The following VWA3B variants were observed in gnomAD, a reference collection of about 807,000 sequenced individuals.
VWA3B encodes von Willebrand factor A domain-containing protein 3B.
VWA3B carries 138 observed loss-of-function variants against 158.3 expected under a neutral mutation model. The observed-to-expected ratio is 0.87, with a 90% CI of 0.76 to 1.00. VWA3B has a LOEUF of 1.00. Ranked by LOEUF, VWA3B falls within the 50% of genes least tolerant of loss-of-function variation. The probability of loss-of-function intolerance (pLI) is 0.00; values close to 1 mark genes in which losing one functional copy is unlikely to be tolerated. For missense variants in VWA3B, 1,555 were observed against 1,565.1 expected, an observed-to-expected ratio of 0.99 and a Z score of 0.11; for synonymous variants, 596 against 587.3, an observed-to-expected ratio of 1.01 and a Z score of -0.21.
At chr2:98,230,373 C>T (rs1685254600) in intron 16 of VWA3B, among the ~76,000 whole-genome samples, 166 bp downstream of exon 16, 1 of 152,078 alleles carries the variant, frequency 6.6e-6, no homozygotes, top group Non-Finnish European at 1.5e-5. Flanking sequence ...CTTATATATA[C>T]CTACGCTTCA....
At chr2:98,091,315 A>G (rs1367309188) in intron 1 of VWA3B, among the ~76,000 whole-genome samples, 1 of 152,216 alleles carries the variant, frequency 6.6e-6, no homozygotes, top group African/African-American at 2.4e-5. Flanking sequence ...GAAGCTTGCG[A>G]TTCCTCACAT....
At chr2:98,244,660 T>G (rs550138316) in intron 19 of VWA3B, among the ~76,000 whole-genome samples, 14 of 152,318 alleles carry the variant, frequency 9.2e-5, no homozygotes, top group Admixed American at 2.0e-4. Context: ...GGGACATGTT[T>G]TGTTCTAGAA....
In VWA3B at chr2:98,311,866, A is replaced by G; in HGVS notation, c.3569A>G (p.Lys1190Arg). Residue 1190 changes from lysine (K) to arginine (R), a missense_variant, in exon 27 of 28, where the codon AAA becomes AGA. Transcript: ENST00000477737. ...RNSAFLFWPL[K>R]EADTQDSREP... ...TCTGCTTTCCTCTTCTGGCCACTGA[A>G]AGAAGCGGACACGCAGGATTCCAGA... is the stretch of plus-strand genomic sequence containing the variant. 6.2e-7 allele frequency: 1 copy of G among 1,612,502 alleles called. No individual in the cohort carries two copies. Among genetic ancestry groups the G allele is most frequent in the Non-Finnish European group, 8.5e-7 (1 of 1,179,412 alleles).
chr2:98,298,778 CCCGA>C (rs1224461712), intron 24 of VWA3B, among the ~76,000 whole-genome samples: 1 of 152,206 alleles, frequency 6.6e-6, no homozygotes, highest in Non-Finnish European at 1.5e-5. Flanking sequence ...TGGGAATGGG[CCCGA>C]GCAAGAGGCT....
chr2:98,119,640 A>C lies in VWA3B; in HGVS notation c.419A>C (p.Gln140Pro). ...SRQIFGVILE[Q>P]CVTIVLDFGG... ...CAGATTTTTGGTGTCATCTTGGAAC[A>C]GTGCGTCACCATAGTGCTGGATTTT... Residue 140 changes from glutamine to proline, a missense_variant, in exon 4 of 28, where the codon CAG becomes CCG. Physicochemically the swap from Gln to Pro is moderately conservative, Grantham distance 76. Coordinates refer to ENST00000477737, the MANE Select transcript of VWA3B (RefSeq NM_144992.5). The C allele has an allele frequency of 6.2e-7, 1 of 1,614,122 alleles. No individual in the cohort carries two copies. Among genetic ancestry groups the C allele is most frequent in the East Asian group, 2.2e-5 (1 of 44,870 alleles).
chr2:98,238,588 A>T (rs536544277), intron 19 of VWA3B, among the ~76,000 whole-genome samples: 49 of 152,346 alleles, frequency 3.2e-4, no homozygotes, highest in African/African-American at 1.1e-3. Context: ...TGAAAAAAAT[A>T]TGGTAGGATA....
intron 14 of VWA3B, among the ~76,000 whole-genome samples, chr2:98,227,866 A>T (rs1454498336): frequency 6.6e-6 from 1 of 152,232 alleles, no homozygotes; most frequent in Non-Finnish European, 1.5e-5. Flanking sequence ...AACTTTTCAA[A>T]TGGTGCATTT....
In VWA3B at chr2:98,272,239, C is replaced by G. The variant is rs1558749458; in HGVS notation, c.3045+1356C>G. Among the ~76,000 whole-genome samples the G allele has an allele frequency of 2.6e-5, 4 of 152,380 alleles. 1 individual carries two copies. The South Asian group carries it at 6.2e-4, about 24-fold the overall frequency. On this transcript the variant is annotated intron_variant, in intron 22 of 27. Coordinates refer to ENST00000477737, the MANE Select transcript of VWA3B (RefSeq NM_144992.5). ...TTCAAGTTGGGGTTCCCACAACTCC[C>G]TCTTTGAGTTTGATTAATTTGCGTG...
intron 7 of VWA3B, among the ~76,000 whole-genome samples, chr2:98,160,546 C>T (rs1573941650): frequency 6.6e-6 from 1 of 152,148 alleles, no homozygotes; most frequent in South Asian, 2.1e-4. Flanking sequence ...TGGGTTTCCT[C>T]GGAACTTTCT....
At chr2:98,226,277 ATGCTCGACT>A (rs1684908511) in intron 14 of VWA3B, among the ~76,000 whole-genome samples, 1 of 152,208 alleles carries the variant, frequency 6.6e-6, no homozygotes, top group Non-Finnish European at 1.5e-5. Flanking sequence ...CCCACACAAC[ATGCTCGACT>A]GATTTTTGAC....
intron 19 of VWA3B, among the ~76,000 whole-genome samples, chr2:98,239,052 T>C (rs938295880): frequency 1.3e-5 from 2 of 152,180 alleles, no homozygotes; most frequent in Non-Finnish European, 2.9e-5. Flanking sequence ...GTAATGGCAA[T>C]GACAGGGTGG....
chr2:98,114,749 A>G (rs1236607315), intron 2 of VWA3B, among the ~76,000 whole-genome samples: 3 of 152,198 alleles, frequency 2.0e-5, no homozygotes, highest in Non-Finnish European at 4.4e-5. Flanking sequence ...AATCCTCTCC[A>G]TAGGCTTCTG....
chr2:98,208,132 A>G (rs570838578), intron 12 of VWA3B, among the ~76,000 whole-genome samples: 8 of 150,112 alleles, frequency 5.3e-5, no homozygotes, highest in African/African-American at 2.0e-4. Flanking sequence ...TCCTTAGTAA[A>G]TTTTCTTTGT....
At chr2:98,297,884 A>G in intron 23 of VWA3B, 23 bp from the exon 24 acceptor site, 1 of 1,464,544 alleles carries the variant, frequency 6.8e-7, no homozygotes, top group Middle Eastern at 1.9e-4. Context: ...TTTATATTTT[A>G]TGTTTTCTTT....
chr2:98,192,925 A>G lies in VWA3B; in HGVS notation c.1494A>G (p.Gln498=). The change falls in exon 11 of 28, where the codon CAA becomes CAG. Residue 498 remains glutamine, a synonymous_variant. Transcript: ENST00000477737. ...RRIKWLQDGS[Q]SLFGRLHNDC... Reference sequence around the variant, plus strand: ...TTAAATGGCTACAGGATGGGAGTCAAAGCCTCTTTGGAAGATTGCATAATG... The same window carrying G: ...TTAAATGGCTACAGGATGGGAGTCAGAGCCTCTTTGGAAGATTGCATAATG... The G allele has an allele frequency of 6.2e-7, 1 of 1,614,226 alleles. No individual in the cohort carries two copies. Among genetic ancestry groups the G allele is most frequent in the South Asian group, 1.1e-5 (1 of 91,080 alleles).
At chr2:98,303,201 A>G (rs1362818130) in intron 25 of VWA3B, among the ~76,000 whole-genome samples, 1 of 151,568 alleles carries the variant, frequency 6.6e-6, no homozygotes, top group Non-Finnish European at 1.5e-5. Context: ...ACCCCAGAAA[A>G]GGACCTTGAA....
chr2:98,133,563 C>A, intron 6 of VWA3B: 1 of 440,370 alleles, frequency 2.3e-6, no homozygotes, highest in Non-Finnish European at 4.1e-6. Context: ...CAAGAAATAC[C>A]ATTTGGTTGA....
intron 13 of VWA3B, 101 bp downstream of exon 13, chr2:98,212,129 G>A (rs1167882762): frequency 4.2e-6 from 4 of 944,220 alleles, no homozygotes; most frequent in Admixed American, 2.1e-5. Flanking sequence ...CCAAAAATCT[G>A]TGGACATATA....
At chr2:98,296,495 T>G (rs930607812) in intron 23 of VWA3B, among the ~76,000 whole-genome samples, 1 of 152,216 alleles carries the variant, frequency 6.6e-6, no homozygotes, top group Non-Finnish European at 1.5e-5. Flanking sequence ...TAAGCTGGCT[T>G]GAGTGTGCAT....
Sources: allele counts gnomAD v4.1 joint callset (sites outside exome capture counted in the v4.1 genomes callset), GRCh38; gene constraint gnomAD v4.1.1; transcripts MANE v1.5; gene names NCBI Gene and HGNC (gene_info 2026-07-23, HGNC 2026-07-21).